The following TBCE variants were observed in gnomAD, a reference collection of about 807,000 sequenced individuals.
TBCE encodes tubulin folding cofactor E.
Under a neutral mutation model 77.0 loss-of-function variants are expected in TBCE, and 53 were observed. The ratio of observed to expected loss-of-function variants is 0.69; its 90% CI spans 0.55 to 0.87. The LOEUF is 0.87. Ranked by LOEUF, TBCE falls within the 40% of genes least tolerant of loss-of-function variation. The pLI is 0.00. For missense variants in TBCE, 624 were observed against 622.4 expected (o/e 1.00, Z -0.03); for synonymous variants, 235 against 241.3 (o/e 0.97, Z 0.24).
At chr1:235,397,200 CTTT>C (rs34523932) in intron 2 of TBCE, among the ~76,000 whole-genome samples, 5 of 100,748 alleles carry the variant, frequency 5.0e-5, no homozygotes, top group Non-Finnish European at 5.7e-5. Flanking sequence ...GTCTCAATCT[CTTT>C]TTTTTTTTTT....
At chr1:235,431,789 C>T (rs1681108355) in intron 7 of TBCE, among the ~76,000 whole-genome samples, 1 of 151,084 alleles carries the variant, frequency 6.6e-6, no homozygotes, top group Non-Finnish European at 1.5e-5. Context: ...TCTTCCGCGT[C>T]AGCCTCTCAG....
intron 16 of TBCE, 91 bp downstream of exon 16, chr1:235,448,531 T>C (rs1572469103): frequency 2.1e-6 from 3 of 1,422,990 alleles, no homozygotes; most frequent in Non-Finnish European, 3.0e-6. Flanking sequence ...AGTTTGATTC[T>C]AAATGGAGAC....
chr1:235,447,256 A>G (rs1682413218), intron 15 of TBCE, among the ~76,000 whole-genome samples: 1 of 152,242 alleles, frequency 6.6e-6, no homozygotes, highest in Non-Finnish European at 1.5e-5. Flanking sequence ...CAAGTTGGAT[A>G]AAAACACACA....
chr1:235,408,648 A>G (rs906586900), intron 3 of TBCE, among the ~76,000 whole-genome samples: 3 of 152,190 alleles, frequency 2.0e-5, no homozygotes, highest in African/African-American at 2.4e-5. Context: ...GTGCTTATCT[A>G]CTGTACTGCT....
chr1:235,372,894 A>C (rs1677058688), intron 1 of TBCE, among the ~76,000 whole-genome samples: 2 of 148,644 alleles, frequency 1.3e-5, no homozygotes, highest in African/African-American at 5.0e-5. Flanking sequence ...ACTGCACTCC[A>C]GCCTGGGCGA....
At position 235,439,335 on chromosome 1, in the gene TBCE, C is replaced by CAAA. The variant is rs564864054; in HGVS notation, c.1270+422_1270+424dup. Among the ~76,000 whole-genome samples, 1,149 of 140,978 alleles carry CAAA rather than the reference C, an allele frequency of 8.2e-3. 25 individuals are homozygous for CAAA. Among genetic ancestry groups the CAAA allele is most frequent in the Middle Eastern group, 0.025 (7 of 276 alleles). The allele number at this position is 140,978 out of a possible 152,430, so 92.5% of individuals were successfully genotyped here. On this transcript the variant is annotated intron_variant, in intron 13 of 16. Coordinates refer to ENST00000642610, the MANE Select transcript of TBCE (RefSeq NM_003193.5). ...TGAAACCCCGTCCCTACTAAAAATA[C>CAAA]AAAAAAAAAAATGAGCCGGGCGTGG...
chr1:235,437,596 C>G lies in TBCE; in HGVS notation c.1116+122C>G, dbSNP rs113290115. 23,599 of 1,188,300 alleles carry G rather than the reference C, an allele frequency of 0.02. 545 individuals are homozygous for G. Among genetic ancestry groups the G allele is most frequent in the African/African-American group, 0.1 (6,749 of 65,508 alleles). The allele number at this position is 1,188,300 out of a possible 1,614,324, so 73.6% of individuals were successfully genotyped here. A position where few individuals can be genotyped will look rare whatever the true frequency, so the allele number is the denominator to read the frequency against. On this transcript the variant is annotated intron_variant, in intron 12 of 16. Transcript: ENST00000642610. ...GGAGGCTGGGGCAGGCTGATCGCTG[C>G]AGTCCAGGAGTTTGAGACCAGCCTG...
chr1:235,369,547 C>T (rs967158036), intron 1 of TBCE, among the ~76,000 whole-genome samples: 60 of 151,418 alleles, frequency 4.0e-4, no homozygotes, highest in Non-Finnish European at 6.3e-4. Flanking sequence ...ACTGGCTGGG[C>T]GCAGTGGCTC....
chr1:235,436,638 A>G lies in TBCE; in HGVS notation c.963+30A>G, dbSNP rs377645431. The G allele has an allele frequency of 5.0e-6, 8 of 1,585,204 alleles. No individual in the cohort carries two copies. In the African/African-American group the frequency reaches 6.7e-5, roughly 13 times the overall value. ...GAGCTGCTCGGAGTATGCCCAGCAC[A>G]CTGTTGCCTCTTTCCACTCTCATGG... On this transcript the variant is annotated intron_variant, in intron 11 of 16. Transcript: ENST00000642610.
chr1:235,397,286 C>T (rs2102849253), intron 2 of TBCE, among the ~76,000 whole-genome samples: 1 of 151,484 alleles, frequency 6.6e-6, no homozygotes, highest in South Asian at 2.1e-4. Context: ...ACTGCAAGCT[C>T]CGCCTCCTGG....
rs970581879 is a variant in TBCE, at chr1:235,380,089, G to A, written c.40G>A (p.Val14Ile). Residue 14 changes from valine to isoleucine, a missense_variant, in exon 2 of 17, where the codon GTT becomes ATT. Physicochemically the swap from Val to Ile is conservative, Grantham distance 29 (BLOSUM62 3). Transcript: ENST00000642610. ...GACAGCGGATGTCATTGGTCGAAGA[G>A]TTGAAGTTAATGGAGAACATGCAAC... ...TLTADVIGRR[V>I]EVNGEHATVR... The A allele has an allele frequency of 2.5e-6, 4 of 1,613,642 alleles. No homozygotes were observed. Among genetic ancestry groups the A allele is most frequent in the Non-Finnish European group, 2.5e-6 (3 of 1,179,886 alleles).
At chr1:235,409,473 C>T (rs1469787646) in intron 3 of TBCE, among the ~76,000 whole-genome samples, 1 of 152,030 alleles carries the variant, frequency 6.6e-6, no homozygotes, top group East Asian at 1.9e-4. Flanking sequence ...GATGGGCACC[C>T]ATTCAGCTAG....
chr1:235,392,415 T>C lies in TBCE; in HGVS notation c.101-9088T>C, dbSNP rs372733118. Among the ~76,000 whole-genome samples, 18 of 148,246 alleles carry C rather than the reference T, an allele frequency of 1.2e-4. 1 individual carries two copies. The highest frequency in any genetic ancestry group is 2.5e-4 in the African/African-American group (10 of 40,154). On this transcript the variant is annotated intron_variant, in intron 2 of 16. Coordinates refer to ENST00000642610, the MANE Select transcript of TBCE (RefSeq NM_003193.5). ...GCTGAACAGAATTTTTTTTTTTTTT[T>C]TTTTTTTTTTTTTAGACAGAGTCTC...
chr1:235,405,729 TATC>T (rs1468508891), intron 3 of TBCE, among the ~76,000 whole-genome samples: 1 of 152,192 alleles, frequency 6.6e-6, no homozygotes, highest in African/African-American at 2.4e-5. Flanking sequence ...AGCCATTTAT[TATC>T]ATTATCAAAT....
intron 5 of TBCE, among the ~76,000 whole-genome samples, chr1:235,421,714 AAAG>A (rs1205879855): frequency 1.3e-5 from 2 of 152,198 alleles, no homozygotes; most frequent in Non-Finnish European, 2.9e-5. Context: ...TTTCAAAAAA[AAAG>A]AAAGAAATTT....
rs1287338590 is a variant in TBCE, at chr1:235,434,064, A to G, written c.661-140A>G. On this transcript the variant is annotated intron_variant, in intron 7 of 16. Transcript: ENST00000642610. ...ACCCCCCACCACTATTCCAGGCCTG[A>G]AACAGTCTTATGAACTGTCCGTGAG... The G allele has an allele frequency of 3.8e-6, 3 of 788,958 alleles. No homozygotes were observed. In the African/African-American group the frequency reaches 5.1e-5, roughly 13 times the overall value. The allele number at this position is 788,958 out of a possible 1,614,324, so 48.9% of individuals were successfully genotyped here.
At chr1:235,380,508 C>T (rs772659565) in intron 2 of TBCE, among the ~76,000 whole-genome samples, 28 of 152,018 alleles carry the variant, frequency 1.8e-4, no homozygotes, top group Non-Finnish European at 3.7e-4. Context: ...CATTAATCCA[C>T]GTGTGTAGGT....
chr1:235,413,736 G>C (rs1192949005), intron 3 of TBCE: 2 of 145,794 alleles, frequency 1.4e-5, no homozygotes, highest in Non-Finnish European at 3.0e-5. Flanking sequence ...TCAATTTATA[G>C]AGTTCACTGT....
At chr1:235,421,845 T>G (rs1287247450) in intron 5 of TBCE, among the ~76,000 whole-genome samples, 2 of 152,226 alleles carry the variant, frequency 1.3e-5, no homozygotes, top group Non-Finnish European at 2.9e-5. Flanking sequence ...TCAGTTTTTT[T>G]CTGAGTGAAG....
Sources: allele counts gnomAD v4.1 joint callset (sites outside exome capture counted in the v4.1 genomes callset), GRCh38; gene constraint gnomAD v4.1.1; transcripts MANE v1.5; gene names NCBI Gene and HGNC (gene_info 2026-07-23, HGNC 2026-07-21).